The following NRXN1 variants were observed in gnomAD, a reference collection of about 807,000 sequenced individuals.
NRXN1 encodes neurexin 1.
In NRXN1, 39 loss-of-function variants were observed where a neutral mutation model predicts 150.9. The ratio of observed to expected loss-of-function variants is 0.26; its 90% CI spans 0.20 to 0.34. NRXN1 has a LOEUF of 0.34. NRXN1 is among the 10% of genes least tolerant of loss of function. NRXN1 has a pLI of 1.00. For synonymous variants in NRXN1, 924 were observed against 757.0 expected (o/e 1.22, Z -3.62); for missense variants, 1,815 against 1,949.9 (o/e 0.93, Z 1.30).
intron 5 of NRXN1, among the ~76,000 whole-genome samples, chr2:50,702,011 T>G (rs1209644186): frequency 6.6e-6 from 1 of 152,312 alleles, no homozygotes. Flanking sequence ...TACAAACTAA[T>G]GACTGAAAAT....
At chr2:50,829,166 C>A (rs546533374) in intron 5 of NRXN1, among the ~76,000 whole-genome samples, 1 of 151,958 alleles carries the variant, frequency 6.6e-6, no homozygotes, top group Non-Finnish European at 1.5e-5. Flanking sequence ...TGCAGTGAGC[C>A]GAGATGGCAG....
At chr2:50,730,985 TCTTA>T (rs1375451266) in intron 5 of NRXN1, among the ~76,000 whole-genome samples, 1 of 152,186 alleles carries the variant, frequency 6.6e-6, no homozygotes, top group Non-Finnish European at 1.5e-5. Flanking sequence ...CCCTTATCTT[TCTTA>T]CTGTGATTGC....
At chr2:50,892,983 T>C (rs1334519119) in intron 5 of NRXN1, among the ~76,000 whole-genome samples, 2 of 152,118 alleles carry the variant, frequency 1.3e-5, no homozygotes, top group South Asian at 2.1e-4. Context: ...GGCAGGAAGA[T>C]TGGGACCTGG....
intron 17 of NRXN1, among the ~76,000 whole-genome samples, chr2:50,400,866 T>C (rs1177703521): frequency 1.3e-5 from 2 of 152,178 alleles, no homozygotes; most frequent in Admixed American, 6.5e-5. Context: ...CAGTTGATTA[T>C]CAAAGGGCAT....
chr2:50,666,245 T>C (rs1247214024), intron 5 of NRXN1, among the ~76,000 whole-genome samples: 2 of 151,998 alleles, frequency 1.3e-5, no homozygotes, highest in Admixed American at 6.6e-5. Context: ...TTCGCTCTCA[T>C]TGCTCAGTAG....
At chr2:50,640,426 A>G (rs1683903416) in intron 5 of NRXN1, among the ~76,000 whole-genome samples, 1 of 152,160 alleles carries the variant, frequency 6.6e-6, no homozygotes, top group Non-Finnish European at 1.5e-5. Context: ...CATACTGCTT[A>G]TGTAACTTAT....
chr2:50,998,353 G>C lies in NRXN1; in HGVS notation c.772+29149C>G, dbSNP rs759572439. On this transcript the variant is annotated intron_variant, in intron 2 of 22. Transcript: ENST00000401669. ...CTAAGTAGAATGTCACTGCATATAG[G>C]GTATTGAAATACAGAAGCCATTTCT... Among the ~76,000 whole-genome samples the C allele has an allele frequency of 1.7e-4, 18 of 106,212 alleles. 4 individuals are homozygous for C. The highest frequency in any genetic ancestry group is 1.4e-3 in the Admixed American group (17 of 12,118). The allele number at this position is 106,212 out of a possible 152,430, so 69.7% of individuals were successfully genotyped here. A position where few individuals can be genotyped will look rare whatever the true frequency, so the allele number is the denominator to read the frequency against.
rs527352188 is a variant in NRXN1 at position 50,863,406 on chromosome 2, G to T, written c.832+58463C>A. Among the ~76,000 whole-genome samples the T allele has an allele frequency of 2.0e-5, 3 of 152,066 alleles. No individual in the cohort carries two copies. In the South Asian group the frequency reaches 6.2e-4, roughly 32 times the overall value. ...TTCCAAATATGCAAATCAGCTGAGT[G>T]GGTTTGTGTGTGTGTTAAACTGTAT... On this transcript the variant is annotated intron_variant, in intron 5 of 22. Transcript: ENST00000401669.
chr2:50,409,961 C>T (rs2083025772), intron 17 of NRXN1, among the ~76,000 whole-genome samples: 1 of 152,102 alleles, frequency 6.6e-6, no homozygotes, highest in Admixed American at 6.5e-5. Flanking sequence ...CAAGCCTTCC[C>T]TAAATCTGGC....
intron 18 of NRXN1, among the ~76,000 whole-genome samples, chr2:50,223,185 T>A (rs1206300767): frequency 6.6e-6 from 1 of 151,708 alleles, no homozygotes; most frequent in African/African-American, 2.4e-5. Context: ...ACCAAAAAAT[T>A]AGTAAGTTAA....
chr2:50,912,622 A>G (rs892248983), intron 5 of NRXN1, among the ~76,000 whole-genome samples: 3 of 151,554 alleles, frequency 2.0e-5, no homozygotes, highest in Non-Finnish European at 4.4e-5. Context: ...TAGGTAGAAC[A>G]ATAGTAATGA....
At position 50,885,679 on chromosome 2, in the gene NRXN1, G is replaced by A. The variant is rs995252429; in HGVS notation, c.832+36190C>T. Among the ~76,000 whole-genome samples, 11 of 151,254 alleles carry A rather than the reference G, an allele frequency of 7.3e-5. No homozygotes were observed. In the South Asian group the frequency reaches 2.1e-3, roughly 29 times the overall value. ...AGAGAGCATCATTAAAAATTCCCATGGTAGACTCAATGTGAAAGATAATTT... is the reference window on the plus strand; with the variant it reads ...AGAGAGCATCATTAAAAATTCCCATAGTAGACTCAATGTGAAAGATAATTT... On this transcript the variant is annotated intron_variant, in intron 5 of 22. Transcript: ENST00000401669.
chr2:50,999,919 C>T (rs775737414), intron 2 of NRXN1, among the ~76,000 whole-genome samples: 2 of 151,984 alleles, frequency 1.3e-5, no homozygotes, highest in Non-Finnish European at 2.9e-5. Context: ...CTCTCTATGA[C>T]GAATGAAACA....
chr2:50,633,019 T>G (rs1319132986), intron 5 of NRXN1: 3 of 152,146 alleles, frequency 2.0e-5, no homozygotes, highest in Admixed American at 1.3e-4. Context: ...TCTGGATAAA[T>G]GTAAAGGGTG....
chr2:50,370,150 T>C (rs1462230359), intron 17 of NRXN1, among the ~76,000 whole-genome samples: 1 of 152,154 alleles, frequency 6.6e-6, no homozygotes, highest in South Asian at 2.1e-4. Context: ...TTATTCTATC[T>C]CTGCATGTAC....
chr2:50,202,778 C>A (rs7599349), intron 18 of NRXN1, among the ~76,000 whole-genome samples: 31,826 of 151,944 alleles, frequency 0.21, 3,850 homozygotes, highest in East Asian at 0.4. Flanking sequence ...AATACAACAT[C>A]ATTGGTAGCA....
chr2:50,080,786 C>A (rs1240982020), intron 19 of NRXN1, among the ~76,000 whole-genome samples: 1 of 152,066 alleles, frequency 6.6e-6, no homozygotes, highest in Non-Finnish European at 1.5e-5. Flanking sequence ...CTAGTAAAGG[C>A]TACACCCAGA....
chr2:50,489,916 T>A (rs1213737046), intron 15 of NRXN1, among the ~76,000 whole-genome samples: 1 of 143,122 alleles, frequency 7.0e-6, no homozygotes, highest in African/African-American at 3.0e-5. Context: ...TTAATCCCAC[T>A]CTCAACTTCC....
At chr2:50,730,285 C>T (rs1287162848) in intron 5 of NRXN1, among the ~76,000 whole-genome samples, 2 of 152,050 alleles carry the variant, frequency 1.3e-5, no homozygotes, top group African/African-American at 4.8e-5. Flanking sequence ...TTCCTATTGT[C>T]GGCCTGACTG....
Sources: gnomAD v4.1 joint callset for allele counts (sites outside exome capture counted in the v4.1 genomes callset) on GRCh38, gnomAD v4.1.1 for gene constraint, MANE v1.5 for transcripts, NCBI Gene and HGNC (gene_info 2026-07-23, HGNC 2026-07-21) for gene names.